Variants in RHBDL2 observed in about 807,000 individuals in gnomAD.
RHBDL2 encodes rhomboid-related protein 2.
RHBDL2 carries 26 observed loss-of-function variants against 31.7 expected under a neutral mutation model. The ratio of observed to expected loss-of-function variants is 0.82; its 90% confidence interval spans 0.60 to 1.14. The LOEUF (loss-of-function observed/expected upper bound fraction) is 1.14. RHBDL2 is among the 50% of genes most tolerant of loss of function. The probability of loss-of-function intolerance (pLI) is 0.00; values close to 1 mark genes in which losing one functional copy is unlikely to be tolerated. For missense variants in RHBDL2, 336 were observed against 364.4 expected, an observed-to-expected ratio of 0.92 and a Z score of 0.63; for synonymous variants, 123 against 127.2, an observed-to-expected ratio of 0.97 and a Z score of 0.22.
At chr1:38,925,448 C>T (rs1007835391) in intron 1 of RHBDL2, among the ~76,000 whole-genome samples, 3 of 150,688 alleles carry the variant, frequency 2.0e-5, no homozygotes, top group Non-Finnish European at 4.4e-5. Context: ...CAGTGGGAGG[C>T]GGAGGTTGCA....
chr1:38,934,971 A>AT (rs58016241), intron 1 of RHBDL2, among the ~76,000 whole-genome samples: 3 of 139,144 alleles, frequency 2.2e-5, no homozygotes, highest in Non-Finnish European at 4.7e-5. Context: ...AAAAAAAAAA[A>AT]TTTTTTTAAA....
chr1:38,911,746 T>C (rs969236504), intron 3 of RHBDL2, among the ~76,000 whole-genome samples: 1 of 151,920 alleles, frequency 6.6e-6, no homozygotes, highest in Non-Finnish European at 1.5e-5. Context: ...TTCAAGTAAT[T>C]CTCATGCCTC....
intron 4 of RHBDL2, among the ~76,000 whole-genome samples, chr1:38,898,261 A>G (rs1642945206): frequency 6.6e-6 from 1 of 152,106 alleles, no homozygotes; most frequent in South Asian, 2.1e-4. Context: ...CTGAGATCGC[A>G]CCACTGCACT....
chr1:38,891,884 C>A (rs780147736), intron 6 of RHBDL2, among the ~76,000 whole-genome samples: 3 of 152,192 alleles, frequency 2.0e-5, no homozygotes, highest in Non-Finnish European at 2.9e-5. Flanking sequence ...GCTTTCAGGT[C>A]TGACCCCAGG....
At chr1:38,903,449 A>G (rs1157748703) in intron 4 of RHBDL2, among the ~76,000 whole-genome samples, 1 of 152,112 alleles carries the variant, frequency 6.6e-6, no homozygotes, top group East Asian at 1.9e-4. Flanking sequence ...CGAGAAATAG[A>G]AATTTTAAAA....
intron 5 of RHBDL2, among the ~76,000 whole-genome samples, chr1:38,893,651 C>G (rs903992292): frequency 6.7e-6 from 1 of 149,258 alleles, no homozygotes; most frequent in African/African-American, 2.5e-5. Flanking sequence ...TGAGTATTAC[C>G]TTAATTTTTG....
rs558596031 is a variant in RHBDL2 at position 38,900,385 on chromosome 1, G to A, written c.509-4316C>T. Reference sequence around the variant, plus strand: ...GCCTATAATCCCAGCACTTTGGGACGACAAGGCAGGTGGATCATTAAGGTC... The same window carrying A: ...GCCTATAATCCCAGCACTTTGGGACAACAAGGCAGGTGGATCATTAAGGTC... On this transcript the variant is annotated intron_variant, in intron 4 of 7. Coordinates refer to ENST00000372990, the MANE Select transcript of RHBDL2 (RefSeq NM_017821.5). 6.2e-4 allele frequency among the ~76,000 whole-genome samples: 94 copies of A among 152,158 alleles called. 1 individual carries two copies. The highest frequency in any genetic ancestry group is 1.5e-4 in the Non-Finnish European group (10 of 68,014).
chr1:38,906,597 C>T (rs1430039699), intron 4 of RHBDL2, among the ~76,000 whole-genome samples: 2 of 151,832 alleles, frequency 1.3e-5, no homozygotes, highest in African/African-American at 2.4e-5. Flanking sequence ...TGGCATGAAC[C>T]TGGGAGGTGG....
At chr1:38,918,710 G>C (rs561763300) in intron 2 of RHBDL2, among the ~76,000 whole-genome samples, 1 of 152,290 alleles carries the variant, frequency 6.6e-6, no homozygotes, top group Admixed American at 6.5e-5. Context: ...GGAAGCCACT[G>C]AAATTGCAGC....
At chr1:38,923,139 T>C (rs1643335367) in intron 1 of RHBDL2, among the ~76,000 whole-genome samples, 1 of 151,944 alleles carries the variant, frequency 6.6e-6, no homozygotes, top group South Asian at 2.1e-4. Flanking sequence ...TTATGAGGTG[T>C]GTGGCAATGG....
intron 1 of RHBDL2, among the ~76,000 whole-genome samples, chr1:38,923,975 AT>A (rs1245872725): frequency 6.6e-6 from 1 of 152,102 alleles, no homozygotes; most frequent in Non-Finnish European, 1.5e-5. Flanking sequence ...AAAAATGGAA[AT>A]GTTCCTTATG....
chr1:38,919,224 C>A lies in RHBDL2; in HGVS notation c.-12G>T, dbSNP rs762930679. On this transcript the variant is annotated 5_prime_UTR_variant, in exon 2 of 8. It adds an upstream start codon to the 5' untranslated region. Transcript: ENST00000372990. Reference sequence around the variant, plus strand: ...TGAACAGCAGCCATTGTCCTGGGTCCTCCCTCCTCCCCAGAAGGACATGAA... The same window carrying A: ...TGAACAGCAGCCATTGTCCTGGGTCATCCCTCCTCCCCAGAAGGACATGAA... 4.3e-6 allele frequency: 7 copies of A among 1,614,092 alleles called. No individual in the cohort carries two copies. In the Admixed American group the frequency reaches 1.2e-4, roughly 27 times the overall value.
intron 4 of RHBDL2, among the ~76,000 whole-genome samples, chr1:38,897,283 G>A (rs1642930712): frequency 6.6e-6 from 1 of 152,076 alleles, no homozygotes; most frequent in African/African-American, 2.4e-5. Flanking sequence ...TGTGTTTTTA[G>A]TAGAGACGGG....
intron 1 of RHBDL2, among the ~76,000 whole-genome samples, chr1:38,919,794 G>C (rs577724311): frequency 4.1e-4 from 62 of 151,956 alleles, no homozygotes; most frequent in African/African-American, 1.4e-3. Flanking sequence ...GGCTGGTCTC[G>C]AACTCCTGAC....
chr1:38,900,962 C>T (rs1040964559), intron 4 of RHBDL2, among the ~76,000 whole-genome samples: 2 of 151,740 alleles, frequency 1.3e-5, no homozygotes, highest in African/African-American at 2.4e-5. Context: ...GCAGGAGCAC[C>T]GCTTGAACCC....
intron 1 of RHBDL2, among the ~76,000 whole-genome samples, chr1:38,931,126 G>A (rs1643434533): frequency 6.6e-6 from 1 of 152,160 alleles, no homozygotes; most frequent in Non-Finnish European, 1.5e-5. Flanking sequence ...TGGGTCTCTG[G>A]GGTGAAGGCC....
intron 1 of RHBDL2, among the ~76,000 whole-genome samples, chr1:38,928,363 C>T (rs1219599804): frequency 6.6e-6 from 1 of 151,964 alleles, no homozygotes; most frequent in African/African-American, 2.4e-5. Flanking sequence ...AGGATGGTCT[C>T]AATCTCCTGA....
At chr1:38,890,643 A>C (rs111717164) in intron 6 of RHBDL2, among the ~76,000 whole-genome samples, 3 of 152,154 alleles carry the variant, frequency 2.0e-5, no homozygotes, top group African/African-American at 7.2e-5. Context: ...TTATTCCAAG[A>C]AGCCAAACCA....
intron 4 of RHBDL2, among the ~76,000 whole-genome samples, chr1:38,899,924 GTCC>G (rs1173652421): frequency 7.9e-5 from 12 of 152,150 alleles, no homozygotes; most frequent in Non-Finnish European, 1.6e-4. Flanking sequence ...ATCCAGGGCC[GTCC>G]TCCTCTGCTT....
Sources: allele counts gnomAD v4.1 joint callset (sites outside exome capture counted in the v4.1 genomes callset), GRCh38; gene constraint gnomAD v4.1.1; transcripts MANE v1.5; gene names NCBI Gene and HGNC (gene_info 2026-07-23, HGNC 2026-07-21).